The following FRYL variants were observed in gnomAD, a reference collection of about 807,000 sequenced individuals.
FRYL encodes the protein protein furry homolog-like.
FRYL carries 150 observed loss-of-function variants against 351.2 expected under a neutral mutation model. The observed-to-expected ratio is 0.43, with a 90% CI of 0.37 to 0.49. FRYL has a LOEUF of 0.49. Ranked by LOEUF, FRYL falls within the 20% of genes least tolerant of loss-of-function variation. The probability of loss-of-function intolerance (pLI) is 0.00; values close to 1 mark genes in which losing one functional copy is unlikely to be tolerated. For synonymous variants in FRYL, 1,153 were observed against 1,257.1 expected, an observed-to-expected ratio of 0.92 and a Z score of 1.75; for missense variants, 3,036 against 3,619.3, an observed-to-expected ratio of 0.84 and a Z score of 4.13.
chr4:48,744,220 T>C (rs898419559), intron 1 of FRYL, among the ~76,000 whole-genome samples: 11 of 152,148 alleles, frequency 7.2e-5, no homozygotes, highest in African/African-American at 2.4e-4. Context: ...AAATTAGACA[T>C]TGGTGATAGT....
intron 35 of FRYL, 119 bp downstream of exon 35, chr4:48,556,859 T>C: frequency 1.3e-6 from 1 of 775,322 alleles, no homozygotes. Flanking sequence ...CTGACTGTCT[T>C]CATCCCGGCC....
chr4:48,695,762 C>T (rs949820500), intron 2 of FRYL, among the ~76,000 whole-genome samples: 1 of 151,922 alleles, frequency 6.6e-6, no homozygotes, highest in Non-Finnish European at 1.5e-5. Context: ...AATGGCAAAA[C>T]GTTTTTGCAA....
At chr4:48,660,507 T>C (rs1760473988) in intron 3 of FRYL, among the ~76,000 whole-genome samples, 1 of 152,212 alleles carries the variant, frequency 6.6e-6, no homozygotes, top group African/African-American at 2.4e-5. Flanking sequence ...TTTGAGTTTA[T>C]GCCAGGTAAG....
rs1403049165 is a variant in FRYL at position 48,710,586 on chromosome 4, A to G, written c.-271T>C. ...CACCAAGTTTGGAAAGGATCCATCT[A>G]GAAGCTTTTTTGATCTGGAGCTTGT... On this transcript the variant is annotated 5_prime_UTR_variant, in exon 2 of 64. Coordinates refer to ENST00000358350, the MANE Select transcript of FRYL (RefSeq NM_015030.2). 2.5e-6 allele frequency: 1 copy of G among 398,656 alleles called. No individual in the cohort carries two copies. The highest frequency in any genetic ancestry group is 3.6e-5 in the East Asian group (1 of 28,074). The allele number at this position is 398,656 out of a possible 1,614,324, so 24.7% of individuals were successfully genotyped here.
rs1373808706 is a variant in FRYL, at chr4:48,590,746, C to T, written c.1420G>A (p.Gly474Arg). The change falls in exon 17 of 64, where the codon GGA (glycine) becomes AGA (arginine). Residue 474 changes from glycine (G) to arginine (R), a missense_variant. Physicochemically the swap from Gly to Arg is moderately radical, Grantham distance 125. Transcript: ENST00000358350. ...KDGEPPMPTTGVILPSGNTLR... is the reference protein window; with the variant it reads ...KDGEPPMPTTRVILPSGNTLR... ...GTATTTCCTGAGGGAAGAATAACTCCTGTTGTTGGCATGGGTGGTTCACCA... is the reference window on the plus strand; with the variant it reads ...GTATTTCCTGAGGGAAGAATAACTCTTGTTGTTGGCATGGGTGGTTCACCA... The T allele has an allele frequency of 6.2e-7, 1 of 1,613,328 alleles. No homozygotes were observed. The highest frequency in any genetic ancestry group is 8.5e-7 in the Non-Finnish European group (1 of 1,179,350).
chr4:48,682,982 G>A (rs13119504), intron 3 of FRYL, among the ~76,000 whole-genome samples: 5 of 151,882 alleles, frequency 3.3e-5, no homozygotes, highest in African/African-American at 1.2e-4. Flanking sequence ...TGTATATTGC[G>A]GCACTGTTCA....
chr4:48,733,274 C>T (rs1381655805), intron 1 of FRYL, among the ~76,000 whole-genome samples: 1 of 144,462 alleles, frequency 6.9e-6, no homozygotes, highest in African/African-American at 2.6e-5. Context: ...GACTCCATCT[C>T]AAGAAAAATA....
At chr4:48,752,237 G>A (rs1484750778) in intron 1 of FRYL, among the ~76,000 whole-genome samples, 1 of 152,194 alleles carries the variant, frequency 6.6e-6, no homozygotes, top group Admixed American at 6.5e-5. Flanking sequence ...CTTTATTTAT[G>A]TTGGCATTAG....
chr4:48,562,780 TATAA>T, intron 32 of FRYL, 105 bp downstream of exon 32: 1 of 658,786 alleles, frequency 1.5e-6, no homozygotes, highest in South Asian at 1.9e-5. Flanking sequence ...ACTTCTTTAC[TATAA>T]ATAAAGCTAA....
intron 26 of FRYL, among the ~76,000 whole-genome samples, chr4:48,572,859 C>T (rs897475852): frequency 3.3e-5 from 5 of 152,124 alleles, no homozygotes; most frequent in Admixed American, 1.3e-4. Flanking sequence ...ATGTAGTTTA[C>T]GAACGCTTTC....
At chr4:48,544,388 G>A (rs558552686) in intron 43 of FRYL, among the ~76,000 whole-genome samples, 1 of 152,262 alleles carries the variant, frequency 6.6e-6, no homozygotes, top group Admixed American at 6.5e-5. Context: ...TCCCCTAGTT[G>A]AGAACCACTG....
intron 1 of FRYL, among the ~76,000 whole-genome samples, chr4:48,758,010 T>A (rs1431753608): frequency 1.3e-5 from 2 of 152,198 alleles, no homozygotes; most frequent in Non-Finnish European, 1.5e-5. Flanking sequence ...TAATAAATGG[T>A]GCTGGGAAAA....
chr4:48,525,163 GTATATATATATATA>G lies in FRYL; in HGVS notation c.7318-2073_7318-2060del, dbSNP rs57457069. ...ATTCTTGCAACTTTTATTTTTAAAGGTATATATATATATATATATATATATATATATATACACAC... is the reference window on the plus strand; with the variant it reads ...ATTCTTGCAACTTTTATTTTTAAAGGTATATATATATATATATATACACAC... On this transcript the variant is annotated intron_variant, in intron 53 of 63. Coordinates refer to ENST00000358350, the MANE Select transcript of FRYL (RefSeq NM_015030.2). Among the ~76,000 whole-genome samples the G allele has an allele frequency of 8.1e-4, 113 of 139,922 alleles. 2 individuals are homozygous for G. Among genetic ancestry groups the G allele is most frequent in the Non-Finnish European group, 8.0e-4 (53 of 65,976 alleles). 91.8% of individuals were successfully genotyped at this position (139,922 alleles called of 152,430 possible).
intron 35 of FRYL, among the ~76,000 whole-genome samples, chr4:48,553,680 A>T (rs1163944736): frequency 6.6e-6 from 1 of 152,066 alleles, no homozygotes; most frequent in Admixed American, 6.5e-5. Flanking sequence ...AAAACAAAAA[A>T]ATACTTTTCT....
intron 3 of FRYL, among the ~76,000 whole-genome samples, chr4:48,648,027 A>G (rs1046900169): frequency 2.0e-5 from 3 of 152,106 alleles, no homozygotes; most frequent in Admixed American, 6.5e-5. Flanking sequence ...TATTTTTCCT[A>G]CCTCTTAAAT....
intron 1 of FRYL, among the ~76,000 whole-genome samples, chr4:48,755,535 CAG>C (rs1010099586): frequency 3.3e-5 from 5 of 152,122 alleles, no homozygotes; most frequent in African/African-American, 1.2e-4. Flanking sequence ...TCCCCCTTGT[CAG>C]AGAGAAACGT....
Position 48,548,721 on chromosome 4 carries a change from G to A in FRYL, c.4857C>T (p.Tyr1619=), listed in dbSNP as rs2148976663. 3 of 1,606,622 alleles carry A rather than the reference G, an allele frequency of 1.9e-6. No homozygotes were observed. The highest frequency in any genetic ancestry group is 2.2e-5 in the East Asian group (1 of 44,772). ...DHSVKVEWGS[Y]LHLLLHAIFI... ...AAATTGCATGAAGAAGAAGATGGAGGTAGCTTCCCCATTCCACCTTCACAC... is the reference window on the plus strand; with the variant it reads ...AAATTGCATGAAGAAGAAGATGGAGATAGCTTCCCCATTCCACCTTCACAC... The change falls in exon 40 of 64, where the codon TAC becomes TAT. Residue 1619 remains tyrosine (Y), a synonymous_variant. Coordinates refer to ENST00000358350, the MANE Select transcript of FRYL (RefSeq NM_015030.2).
At chr4:48,563,849 G>T (rs1397890597) in intron 31 of FRYL, 99 bp downstream of exon 31, 1 of 1,294,266 alleles carries the variant, frequency 7.7e-7, no homozygotes, top group Non-Finnish European at 1.1e-6. Flanking sequence ...GATACTGAAG[G>T]ACAACTAAAC....
intron 49 of FRYL, 151 bp downstream of exon 49, chr4:48,534,394 A>G (rs1227372608): frequency 2.2e-5 from 14 of 639,832 alleles, no homozygotes; most frequent in Middle Eastern, 8.4e-4. Context: ...ACTTACATTG[A>G]GAACATTTTC....
Sources: allele counts gnomAD v4.1 joint callset (sites outside exome capture counted in the v4.1 genomes callset), GRCh38; gene constraint gnomAD v4.1.1; transcripts MANE v1.5; gene names NCBI Gene and HGNC (gene_info 2026-07-23, HGNC 2026-07-21).